DPP10: variants seen among roughly 807,000 people sequenced by gnomAD.
DPP10 encodes the protein inactive dipeptidyl peptidase 10.
DPP10 carries 33 observed loss-of-function variants against 120.9 expected under a neutral mutation model. The observed-to-expected ratio is 0.27, with a 90% CI of 0.21 to 0.37. The LOEUF (loss-of-function observed/expected upper bound fraction) is 0.37, where lower values mean the gene tolerates loss of function less well. Among genes scored for constraint, DPP10 ranks in the 10% least tolerant of loss-of-function variants. The probability of loss-of-function intolerance (pLI) is 1.00; values close to 1 mark genes in which losing one functional copy is unlikely to be tolerated. For missense variants in DPP10, 816 were observed against 942.8 expected, an observed-to-expected ratio of 0.87 and a Z score of 1.76; for synonymous variants, 337 against 326.1, an observed-to-expected ratio of 1.03 and a Z score of -0.36.
At chr2:114,962,924 T>C (rs1365035723) in intron 1 of DPP10, among the ~76,000 whole-genome samples, 1 of 152,246 alleles carries the variant, frequency 6.6e-6, no homozygotes, top group Non-Finnish European at 1.5e-5. Flanking sequence ...GTAAGATTTA[T>C]ATTATCTTCA....
intron 2 of DPP10, among the ~76,000 whole-genome samples, chr2:115,334,088 G>T (rs1394494083): frequency 6.6e-6 from 1 of 151,654 alleles, no homozygotes; most frequent in African/African-American, 2.4e-5. Context: ...TTATCCGGGA[G>T]AACTTCCCCA....
intron 3 of DPP10, among the ~76,000 whole-genome samples, chr2:115,456,498 G>A (rs1469426350): frequency 6.6e-6 from 1 of 152,098 alleles, no homozygotes; most frequent in Non-Finnish European, 1.5e-5. Context: ...TTACTATAAA[G>A]ATACATGCAC....
At chr2:114,716,256 A>G (rs1043066608) in intron 1 of DPP10, among the ~76,000 whole-genome samples, 1 of 152,180 alleles carries the variant, frequency 6.6e-6, no homozygotes, top group Non-Finnish European at 1.5e-5. Flanking sequence ...TTGCATACCG[A>G]AATGTTTGAT....
intron 2 of DPP10, among the ~76,000 whole-genome samples, chr2:115,328,880 C>T (rs747276191): frequency 6.6e-6 from 1 of 151,986 alleles, no homozygotes; most frequent in Non-Finnish European, 1.5e-5. Context: ...CAAAGAGATA[C>T]CTGCTAGTGA....
intron 2 of DPP10, among the ~76,000 whole-genome samples, chr2:115,336,368 C>T (rs915929922): frequency 2.0e-5 from 3 of 151,908 alleles, no homozygotes; most frequent in Non-Finnish European, 2.9e-5. Flanking sequence ...TCTACAATAC[C>T]TTGTAACTAT....
intron 1 of DPP10, among the ~76,000 whole-genome samples, chr2:114,532,256 CATATATAT>C (rs66716319): frequency 0.013 from 1,122 of 86,156 alleles, 17 homozygotes; most frequent in Middle Eastern, 0.028. Flanking sequence ...AATAAATCTC[CATATATAT>C]ATATATATAT....
chr2:115,198,631 G>A (rs929841030), intron 1 of DPP10, among the ~76,000 whole-genome samples: 1 of 152,032 alleles, frequency 6.6e-6, no homozygotes, highest in African/African-American at 2.4e-5. Flanking sequence ...TCCCTAGAGG[G>A]ATTTACTTAA....
chr2:114,556,269 A>ATATATATATATATATATATG (rs70937289), intron 1 of DPP10, among the ~76,000 whole-genome samples: 21 of 139,448 alleles, frequency 1.5e-4, no homozygotes, highest in African/African-American at 5.3e-4. Flanking sequence ...ATATATATAT[A>ATATATATATATATATATATG]GGCAAATAAT....
At chr2:114,801,122 G>T (rs1366942852) in intron 1 of DPP10, among the ~76,000 whole-genome samples, 1 of 151,884 alleles carries the variant, frequency 6.6e-6, no homozygotes, top group Non-Finnish European at 1.5e-5. Flanking sequence ...AATTAGCCGG[G>T]TGTGGTGGAG....
chr2:115,338,840 T>A (rs1396620491), intron 2 of DPP10, among the ~76,000 whole-genome samples: 1 of 152,106 alleles, frequency 6.6e-6, no homozygotes, highest in Non-Finnish European at 1.5e-5. Flanking sequence ...AATAAAACTA[T>A]AACATTTTTT....
intron 1 of DPP10, among the ~76,000 whole-genome samples, chr2:114,510,451 A>G (rs1177655527): frequency 6.6e-6 from 1 of 152,094 alleles, no homozygotes; most frequent in Non-Finnish European, 1.5e-5. Context: ...TAAAAATACA[A>G]AAATTAGCTG....
chr2:115,391,612 A>G (rs1297004423), intron 3 of DPP10, among the ~76,000 whole-genome samples: 2 of 152,112 alleles, frequency 1.3e-5, no homozygotes, highest in African/African-American at 2.4e-5. Context: ...ACCAATATCC[A>G]TAACATAAAT....
intron 1 of DPP10, among the ~76,000 whole-genome samples, chr2:114,905,753 G>A (rs1693912970): frequency 6.6e-6 from 1 of 151,724 alleles, no homozygotes; most frequent in Non-Finnish European, 1.5e-5. Context: ...TCATTATATT[G>A]CCCAGACTGG....
chr2:115,322,517 C>T (rs1457708770), intron 2 of DPP10, among the ~76,000 whole-genome samples: 2 of 152,136 alleles, frequency 1.3e-5, no homozygotes, highest in African/African-American at 4.8e-5. Context: ...ACAACTCTAC[C>T]TTAATCTTTA....
At chr2:115,430,037 C>T (rs533137181) in intron 3 of DPP10, among the ~76,000 whole-genome samples, 15 of 152,170 alleles carry the variant, frequency 9.9e-5, no homozygotes, top group African/African-American at 3.4e-4. Flanking sequence ...ACAGGTTCTG[C>T]GTGGTATTCT....
intron 3 of DPP10, among the ~76,000 whole-genome samples, chr2:115,386,874 A>G (rs1007170501): frequency 2.6e-5 from 4 of 151,732 alleles, no homozygotes; most frequent in African/African-American, 9.7e-5. Flanking sequence ...ATCAGTACAT[A>G]TTTGTTCATT....
At chr2:114,507,775 T>A (rs1322616420) in intron 1 of DPP10, among the ~76,000 whole-genome samples, 1 of 152,192 alleles carries the variant, frequency 6.6e-6, no homozygotes, top group Non-Finnish European at 1.5e-5. Flanking sequence ...CTTCTTGATA[T>A]CTAAAGTGGG....
intron 5 of DPP10, among the ~76,000 whole-genome samples, chr2:115,618,154 T>A (rs1374013638): frequency 1.3e-5 from 2 of 152,164 alleles, no homozygotes; most frequent in East Asian, 1.9e-4. Context: ...ATAAGGATGG[T>A]CTCCTGATGA....
intron 1 of DPP10, among the ~76,000 whole-genome samples, chr2:115,181,384 G>A (rs1321984467): frequency 6.6e-6 from 1 of 152,158 alleles, no homozygotes; most frequent in South Asian, 2.1e-4. Flanking sequence ...GGCTTGGTGG[G>A]CAGTGCTTCT....
Sources: allele counts gnomAD v4.1 joint callset (sites outside exome capture counted in the v4.1 genomes callset), GRCh38; gene constraint gnomAD v4.1.1; transcripts MANE v1.5; gene names NCBI Gene and HGNC (gene_info 2026-07-23, HGNC 2026-07-21).